LMBR1: variants seen among roughly 807,000 people sequenced by gnomAD.
LMBR1 encodes limb development membrane protein 1, also known as limb region 1 protein homolog.
In LMBR1, 52 loss-of-function variants were observed where a neutral mutation model predicts 73.9. The ratio of observed to expected loss-of-function variants is 0.70; its 90% CI spans 0.56 to 0.89. LMBR1 has a LOEUF of 0.89. LMBR1 is among the 40% of genes least tolerant of loss of function. The pLI, the probability that LMBR1 is intolerant of heterozygous loss-of-function variation, is 0.00. For missense variants in LMBR1, 539 were observed against 579.8 expected (o/e 0.93, Z 0.72); for synonymous variants, 215 against 209.4 (o/e 1.03, Z -0.23).
intron 15 of LMBR1, among the ~76,000 whole-genome samples, chr7:156,691,297 G>A (rs1415738142): frequency 6.6e-6 from 1 of 152,056 alleles, no homozygotes; most frequent in Non-Finnish European, 1.5e-5. Context: ...TTAAGCATAA[G>A]GTTCACATTA....
chr7:156,714,318 G>C (rs185741443), intron 15 of LMBR1, among the ~76,000 whole-genome samples: 1 of 152,356 alleles, frequency 6.6e-6, no homozygotes, highest in African/African-American at 2.4e-5. Flanking sequence ...TGGCAAACTT[G>C]ATTTGTGGAG....
Position 156,750,875 on chromosome 7 carries a change from C to T in LMBR1, c.757+5518G>A, listed in dbSNP as rs115772899. On this transcript the variant is annotated intron_variant, in intron 9 of 16. Transcript: ENST00000353442. ...CTGTAATTTTAACACTATGGGAGGC[C>T]AAGGCTGGCAGATCGCTTAAGCCCA... 6.3e-3 allele frequency among the ~76,000 whole-genome samples: 958 copies of T among 152,164 alleles called. 7 individuals carry two copies. The highest frequency in any genetic ancestry group is 0.022 in the African/African-American group (895 of 41,502).
intron 4 of LMBR1, among the ~76,000 whole-genome samples, chr7:156,811,959 C>T (rs1226162626): frequency 3.3e-5 from 5 of 152,138 alleles, no homozygotes; most frequent in African/African-American, 4.8e-5. Flanking sequence ...GCCCTTATTC[C>T]ATGCTTGGCC....
chr7:156,815,112 T>C (rs1833699536), intron 4 of LMBR1, among the ~76,000 whole-genome samples: 1 of 138,816 alleles, frequency 7.2e-6, no homozygotes, highest in Non-Finnish European at 1.5e-5. Context: ...GCCAAGATCA[T>C]GCCATTGCAC....
At chr7:156,874,260 A>G (rs1431080019) in intron 1 of LMBR1, among the ~76,000 whole-genome samples, 1 of 152,200 alleles carries the variant, frequency 6.6e-6, no homozygotes, top group Non-Finnish European at 1.5e-5. Flanking sequence ...TAAGTCCCTC[A>G]TTGCCCGGGG....
chr7:156,792,315 C>A (rs1403172459), intron 5 of LMBR1, among the ~76,000 whole-genome samples: 2 of 152,120 alleles, frequency 1.3e-5, no homozygotes, highest in African/African-American at 2.4e-5. Context: ...CAAATGGAAC[C>A]TTTTTATCAG....
At chr7:156,809,968 T>TC (rs1386397334) in intron 4 of LMBR1, among the ~76,000 whole-genome samples, 1 of 152,138 alleles carries the variant, frequency 6.6e-6, no homozygotes, top group African/African-American at 2.4e-5. Flanking sequence ...AATATTTTTC[T>TC]CAACTCCCCT....
chr7:156,764,284 T>C (rs1225978959), intron 5 of LMBR1, among the ~76,000 whole-genome samples: 1 of 152,198 alleles, frequency 6.6e-6, no homozygotes, highest in African/African-American at 2.4e-5. Context: ...GAACTGTCCA[T>C]TGTAATCCAG....
intron 12 of LMBR1, among the ~76,000 whole-genome samples, chr7:156,726,408 A>C (rs1815768223): frequency 6.6e-6 from 1 of 152,076 alleles, no homozygotes; most frequent in Non-Finnish European, 1.5e-5. Context: ...TAATGCTATA[A>C]ATTTTTTCCT....
At chr7:156,887,463 C>CAAAAAA (rs60786872) in intron 1 of LMBR1, among the ~76,000 whole-genome samples, 9 of 52,636 alleles carry the variant, frequency 1.7e-4, no homozygotes, top group East Asian at 4.8e-4. Flanking sequence ...GACTCCATCT[C>CAAAAAA]AAAAAAAAAA....
chr7:156,673,907 A>T (rs543546407), downstream of LMBR1, among the ~76,000 whole-genome samples: 1,230 of 56,894 alleles, frequency 0.022, 22 homozygotes, highest in African/African-American at 0.13. Context: ...CCACATTAAT[A>T]AAAAAAAAAA....
At chr7:156,758,740 C>A (rs902892609) in intron 8 of LMBR1, among the ~76,000 whole-genome samples, 1 of 152,188 alleles carries the variant, frequency 6.6e-6, no homozygotes, top group African/African-American at 2.4e-5. Context: ...TCTTGTACAG[C>A]CTGCAGAACC....
At position 156,891,214 on chromosome 7, in the gene LMBR1, ATATAT is replaced by A. The variant is rs1563643722; in HGVS notation, c.66+1709_66+1713del. Among the ~76,000 whole-genome samples, 36 of 49,702 alleles carry A rather than the reference ATATAT, an allele frequency of 7.2e-4. 1 individual carries two copies. The highest frequency in any genetic ancestry group is 1.5e-3 in the South Asian group (2 of 1,334). 32.6% of individuals were successfully genotyped at this position (49,702 alleles called of 152,430 possible). ...ACAAAAAAAAAAAAAAAAAAAAAATATATATATATATATATATATACACACACACA... is the reference window on the plus strand; with the variant it reads ...ACAAAAAAAAAAAAAAAAAAAAAATAATATATATATATATACACACACACA... On this transcript the variant is annotated intron_variant, in intron 1 of 16. Transcript: ENST00000353442.
chr7:156,820,592 A>C (rs1195917282), intron 4 of LMBR1, among the ~76,000 whole-genome samples: 1 of 152,212 alleles, frequency 6.6e-6, no homozygotes, highest in Non-Finnish European at 1.5e-5. Context: ...CTAGGGGTCC[A>C]GTGTTGTAGG....
chr7:156,885,216 G>T (rs1310585225), intron 1 of LMBR1, among the ~76,000 whole-genome samples: 1 of 152,122 alleles, frequency 6.6e-6, no homozygotes, highest in Non-Finnish European at 1.5e-5. Flanking sequence ...AGCCAGGCAT[G>T]GTGGCAGGCG....
rs550316909 is a variant in LMBR1 at position 156,785,413 on chromosome 7, A to G, written c.423+10976T>C. On this transcript the variant is annotated intron_variant, in intron 5 of 16. Transcript: ENST00000353442. Reference sequence around the variant, plus strand: ...CTAAACAGTAAAAGTAACCAAAACCATCAGTGTAATATGCTTCACGCAAGC... The same window carrying G: ...CTAAACAGTAAAAGTAACCAAAACCGTCAGTGTAATATGCTTCACGCAAGC... Among the ~76,000 whole-genome samples the G allele has an allele frequency of 3.9e-5, 6 of 152,344 alleles. No individual in the cohort carries two copies. The South Asian group carries it at 1.2e-3, about 32-fold the overall frequency.
intron 16 of LMBR1, among the ~76,000 whole-genome samples, chr7:156,686,223 C>T (rs1585181649): frequency 6.6e-6 from 1 of 152,190 alleles, no homozygotes. Context: ...CATTCTGAAA[C>T]GTTCTGATGT....
intron 15 of LMBR1, among the ~76,000 whole-genome samples, chr7:156,699,228 C>G (rs1809057834): frequency 6.6e-6 from 1 of 152,124 alleles, no homozygotes; most frequent in Non-Finnish European, 1.5e-5. Context: ...TGGAATAGAA[C>G]AGAGCCCTCA....
intron 4 of LMBR1, among the ~76,000 whole-genome samples, chr7:156,809,893 G>A (rs1585945819): frequency 6.6e-6 from 1 of 152,150 alleles, no homozygotes; most frequent in South Asian, 2.1e-4. Flanking sequence ...AACTGGTTAA[G>A]CTTCTAAAAT....
Sources: allele counts gnomAD v4.1 joint callset (sites outside exome capture counted in the v4.1 genomes callset), GRCh38; gene constraint gnomAD v4.1.1; transcripts MANE v1.5; gene names NCBI Gene and HGNC (gene_info 2026-07-23, HGNC 2026-07-21).